Variants in RNF150 observed in about 807,000 individuals in gnomAD.
RNF150 encodes ring finger protein 150.
In RNF150, 24 loss-of-function variants were observed where a neutral mutation model predicts 39.3. That is an observed-to-expected ratio of 0.61 (90% CI 0.44 to 0.86). The LOEUF (loss-of-function observed/expected upper bound fraction) is 0.86. Among genes scored for constraint, RNF150 ranks in the 40% least tolerant of loss-of-function variants. The probability of loss-of-function intolerance (pLI) is 0.00; values close to 1 mark genes in which losing one functional copy is unlikely to be tolerated. For missense variants in RNF150, 502 were observed against 587.8 expected (o/e 0.85, Z 1.51); for synonymous variants, 255 against 227.3 (o/e 1.12, Z -1.10).
intron 1 of RNF150, among the ~76,000 whole-genome samples, chr4:141,203,098 AAT>A (rs1728315568): frequency 6.8e-6 from 1 of 147,062 alleles, no homozygotes; most frequent in African/African-American, 2.5e-5. Flanking sequence ...TGAGATATAT[AAT>A]CTTGGAGACG....
intron 1 of RNF150, among the ~76,000 whole-genome samples, chr4:141,092,116 G>T (rs558847796): frequency 6.6e-6 from 1 of 152,284 alleles, no homozygotes; most frequent in African/African-American, 2.4e-5. Context: ...GGCTGAGGAG[G>T]GAGGATCACC....
At chr4:140,974,300 G>A (rs1337829264) in intron 1 of RNF150, among the ~76,000 whole-genome samples, 1 of 152,098 alleles carries the variant, frequency 6.6e-6, no homozygotes, top group Non-Finnish European at 1.5e-5. Flanking sequence ...TTCTCATTCA[G>A]CATAATGTCC....
chr4:140,860,069 G>A lies in RNF150; in HGVS notation c.*8192C>T, dbSNP rs1177470922. On this transcript the variant is annotated 3_prime_UTR_variant, in exon 7 of 7. Transcript: ENST00000515673. Reference sequence around the variant, plus strand: ...TGATTACGCTCTCCAAGTACAAAGAGAATAGAATAAAGCAAAATAAAAGTC... The same window carrying A: ...TGATTACGCTCTCCAAGTACAAAGAAAATAGAATAAAGCAAAATAAAAGTC... 2.0e-5 allele frequency: 3 copies of A among 149,674 alleles called. No homozygotes were observed. Among genetic ancestry groups the A allele is most frequent in the East Asian group, 3.9e-4 (2 of 5,138 alleles). 9.3% of individuals were successfully genotyped at this position (149,674 alleles called of 1,614,324 possible).
At chr4:141,079,544 G>A (rs934814913) in intron 1 of RNF150, among the ~76,000 whole-genome samples, 2 of 152,126 alleles carry the variant, frequency 1.3e-5, no homozygotes, top group African/African-American at 4.8e-5. Context: ...TAATATGTAA[G>A]GTGCTTACAA....
chr4:140,966,942 T>C (rs564330134), intron 2 of RNF150, among the ~76,000 whole-genome samples: 6 of 152,276 alleles, frequency 3.9e-5, no homozygotes, highest in African/African-American at 1.4e-4. Flanking sequence ...ACGTGACACA[T>C]ACAGACAATG....
chr4:141,058,317 G>C lies in RNF150; in HGVS notation c.484+74008C>G, dbSNP rs149031267. Among the ~76,000 whole-genome samples the C allele has an allele frequency of 6.2e-3, 946 of 152,084 alleles. 11 individuals carry two copies. Among genetic ancestry groups the C allele is most frequent in the African/African-American group, 0.021 (889 of 41,510 alleles). ...AGAGGAGTGGGGAGGGTGAAGAAGA[G>C]GGGTAGAAGAAAAAAGGAAGCAGAG... On this transcript the variant is annotated intron_variant, in intron 1 of 6. Transcript: ENST00000515673.
At chr4:141,164,871 C>T (rs534449289) in intron 1 of RNF150, among the ~76,000 whole-genome samples, 3 of 152,292 alleles carry the variant, frequency 2.0e-5, no homozygotes, top group Non-Finnish European at 2.9e-5. Context: ...ACCATTGACA[C>T]TATAAGAAAC....
chr4:140,882,014 T>G (rs1385319261), intron 6 of RNF150, among the ~76,000 whole-genome samples: 1 of 152,118 alleles, frequency 6.6e-6, no homozygotes, highest in Non-Finnish European at 1.5e-5. Context: ...TTTCTTTATT[T>G]TTAATTTTTT....
At chr4:141,096,805 T>C (rs531265489) in intron 1 of RNF150, among the ~76,000 whole-genome samples, 70 of 152,360 alleles carry the variant, frequency 4.6e-4, no homozygotes, top group African/African-American at 1.7e-3. Flanking sequence ...CTCAAAGTCC[T>C]GCTTAAGCAA....
intron 6 of RNF150, among the ~76,000 whole-genome samples, chr4:140,883,110 C>T (rs1254437114): frequency 6.6e-6 from 1 of 151,934 alleles, no homozygotes; most frequent in Non-Finnish European, 1.5e-5. Context: ...TAAAACATGT[C>T]AGAGTTATAA....
At chr4:141,084,375 T>A (rs779911760) in intron 1 of RNF150, among the ~76,000 whole-genome samples, 1 of 152,190 alleles carries the variant, frequency 6.6e-6, no homozygotes, top group Non-Finnish European at 1.5e-5. Context: ...GTTTTACCCT[T>A]TTTAAAAGAG....
At chr4:141,140,757 G>A (rs895706856) in intron 1 of RNF150, among the ~76,000 whole-genome samples, 3 of 152,156 alleles carry the variant, frequency 2.0e-5, no homozygotes, top group African/African-American at 7.2e-5. Flanking sequence ...TACCACAAAA[G>A]AGGGGAGAGA....
chr4:140,985,415 G>C (rs1219975673), intron 1 of RNF150, among the ~76,000 whole-genome samples: 1 of 152,120 alleles, frequency 6.6e-6, no homozygotes, highest in Non-Finnish European at 1.5e-5. Flanking sequence ...GACCTTATGA[G>C]AGAATGATAT....
chr4:141,054,540 C>G (rs985247277), intron 1 of RNF150, among the ~76,000 whole-genome samples: 1 of 152,022 alleles, frequency 6.6e-6, no homozygotes, highest in Admixed American at 6.6e-5. Context: ...TATACCAAAT[C>G]ACACTTCAGT....
intron 2 of RNF150, among the ~76,000 whole-genome samples, chr4:140,951,556 T>G (rs1420988580): frequency 1.1e-4 from 15 of 142,416 alleles, no homozygotes; most frequent in African/African-American, 3.4e-4. Flanking sequence ...TTGTTGTTTT[T>G]TTTTTTTTTT....
At chr4:141,063,635 T>C (rs1737329967) in intron 1 of RNF150, among the ~76,000 whole-genome samples, 2 of 152,134 alleles carry the variant, frequency 1.3e-5, no homozygotes. Flanking sequence ...GGGGTGGACG[T>C]TGTTTTATTA....
intron 6 of RNF150, among the ~76,000 whole-genome samples, chr4:140,872,714 C>A (rs7682065): frequency 6.6e-6 from 1 of 152,148 alleles, no homozygotes; most frequent in Non-Finnish European, 1.5e-5. Flanking sequence ...CCATGTTTTT[C>A]GAGCAATACA....
chr4:140,950,173 T>C (rs1732490472), intron 2 of RNF150, among the ~76,000 whole-genome samples: 1 of 152,218 alleles, frequency 6.6e-6, no homozygotes, highest in African/African-American at 2.4e-5. Flanking sequence ...CTACATGTTT[T>C]ATCTTCTTCT....
At chr4:141,139,630 G>A (rs909255641) in intron 1 of RNF150, among the ~76,000 whole-genome samples, 1 of 152,148 alleles carries the variant, frequency 6.6e-6, no homozygotes, top group Non-Finnish European at 1.5e-5. Flanking sequence ...TAGTAATGAA[G>A]AGCTGCAGTT....
Sources: allele counts gnomAD v4.1 joint callset (sites outside exome capture counted in the v4.1 genomes callset), GRCh38; gene constraint gnomAD v4.1.1; transcripts MANE v1.5; gene names NCBI Gene and HGNC (gene_info 2026-07-23, HGNC 2026-07-21).